The following FNBP1 variants were observed in gnomAD, a reference collection of about 807,000 sequenced individuals.
FNBP1 encodes the protein formin binding protein 1.
Under a neutral mutation model 90.6 loss-of-function variants are expected in FNBP1, and 26 were observed. That is an observed-to-expected ratio of 0.29 (90% CI 0.21 to 0.40). The LOEUF is 0.40. Ranked by LOEUF, FNBP1 falls within the 10% of genes least tolerant of loss-of-function variation. The pLI, the probability that FNBP1 is intolerant of heterozygous loss-of-function variation, is 1.00. For synonymous variants in FNBP1, 260 were observed against 265.2 expected (o/e 0.98, Z 0.19); for missense variants, 635 against 768.0 (o/e 0.83, Z 2.05).
intron 11 of FNBP1, among the ~76,000 whole-genome samples, chr9:129,911,647 TG>T (rs1257504706): frequency 6.6e-6 from 1 of 152,108 alleles, no homozygotes; most frequent in Non-Finnish European, 1.5e-5. Context: ...CCAGTAAATG[TG>T]GTGGCCAGGC....
At chr9:130,048,167 A>G (rs1407323514), upstream of FNBP1, among the ~76,000 whole-genome samples, 1 of 150,454 alleles carries the variant, frequency 6.6e-6, no homozygotes, top group Non-Finnish European at 1.5e-5. Flanking sequence ...TAAAAATACA[A>G]AAAAATTAGG....
Position 129,888,547 on chromosome 9 carries a change from G to T in FNBP1, c.*1992C>A. On this transcript the variant is annotated 3_prime_UTR_variant, in exon 17 of 17. Transcript: ENST00000446176. ...GTGACTGATGGGTGCACCACGCTTA[G>T]GTCACCCGTTGCAGGGACCGGAAGT... is the stretch of plus-strand genomic sequence containing the variant. 4.3e-6 allele frequency: 1 copy of T among 233,034 alleles called. No homozygotes were observed. Among genetic ancestry groups the T allele is most frequent in the East Asian group, 6.0e-5 (1 of 16,548 alleles). 14.4% of individuals were successfully genotyped at this position (233,034 alleles called of 1,614,324 possible).
intron 2 of FNBP1, among the ~76,000 whole-genome samples, chr9:129,990,932 G>GTTTTTTTTTT (rs35179648): frequency 7.7e-6 from 1 of 130,006 alleles, no homozygotes. Flanking sequence ...TGACACCAGG[G>GTTTTTTTTTT]TTTTTTTTTT....
At chr9:130,040,031 A>G (rs577515628) in intron 1 of FNBP1, among the ~76,000 whole-genome samples, 14 of 152,306 alleles carry the variant, frequency 9.2e-5, no homozygotes, top group African/African-American at 2.9e-4. Context: ...ATACATGTGC[A>G]TGATTCCAAA....
intron 10 of FNBP1, among the ~76,000 whole-genome samples, chr9:129,921,926 C>T (rs192386217): frequency 1.3e-5 from 2 of 152,140 alleles, no homozygotes; most frequent in Non-Finnish European, 2.9e-5. Flanking sequence ...TGGGGCACTA[C>T]CAGGTACTAT....
intron 9 of FNBP1, among the ~76,000 whole-genome samples, chr9:129,924,484 C>A (rs1052432047): frequency 6.6e-6 from 1 of 152,188 alleles, no homozygotes; most frequent in Non-Finnish European, 1.5e-5. Flanking sequence ...TATTCTACGT[C>A]CCCAGGTTAA....
At chr9:130,006,542 C>T (rs1407380046) in intron 1 of FNBP1, among the ~76,000 whole-genome samples, 1 of 150,098 alleles carries the variant, frequency 6.7e-6, no homozygotes, top group African/African-American at 2.5e-5. Flanking sequence ...TGGTGGCAGG[C>T]GCCTGTAATC....
At chr9:130,040,602 G>A (rs1484964025) in intron 1 of FNBP1, among the ~76,000 whole-genome samples, 2 of 136,506 alleles carry the variant, frequency 1.5e-5, no homozygotes, top group African/African-American at 5.4e-5. Context: ...GCCTGGGCAG[G>A]CAACAGAGCA....
intron 2 of FNBP1, among the ~76,000 whole-genome samples, chr9:129,983,803 T>C (rs1589067280): frequency 6.6e-6 from 1 of 152,048 alleles, no homozygotes; most frequent in African/African-American, 2.4e-5. Flanking sequence ...AGAGCAAGAC[T>C]TCGTCTCAAA....
chr9:130,048,769 C>A, the FNBP1 span, among the ~76,000 whole-genome samples: 1 of 141,510 alleles, frequency 7.1e-6, no homozygotes, highest in Non-Finnish European at 1.5e-5. Context: ...TGAGCCACCG[C>A]GCCCGGCCCA....
intron 2 of FNBP1, among the ~76,000 whole-genome samples, chr9:129,988,509 T>A (rs2052639929): frequency 6.6e-6 from 1 of 152,028 alleles, no homozygotes; most frequent in Non-Finnish European, 1.5e-5. Context: ...AAATCCTGTC[T>A]CTACTAAAAA....
intron 4 of FNBP1, among the ~76,000 whole-genome samples, chr9:129,965,706 G>GCGCACA (rs1554821682): frequency 3.6e-5 from 4 of 110,870 alleles, no homozygotes; most frequent in Non-Finnish European, 5.7e-5. Context: ...ACGCGCGCGC[G>GCGCACA]CGCACACACA....
intron 12 of FNBP1, among the ~76,000 whole-genome samples, chr9:129,906,987 C>T (rs902567213): frequency 6.6e-6 from 1 of 152,084 alleles, no homozygotes; most frequent in African/African-American, 2.4e-5. Flanking sequence ...ACCATGTTGG[C>T]CAGGATGGTC....
At chr9:129,971,207 T>A (rs2049404291) in intron 4 of FNBP1, among the ~76,000 whole-genome samples, 2 of 152,032 alleles carry the variant, frequency 1.3e-5, no homozygotes, top group Middle Eastern at 3.4e-3. Context: ...CTGCATTTTT[T>A]AAAAACCAAC....
At chr9:129,927,426 A>G (rs557452706) in intron 7 of FNBP1, 85 bp from the exon 8 acceptor site, 2 of 1,355,844 alleles carry the variant, frequency 1.5e-6, no homozygotes, top group East Asian at 4.6e-5. Context: ...TACCTCTAAC[A>G]AGTTCTCTTT....
In FNBP1 at chr9:129,957,342, C is replaced by CT. The variant is rs1564428487; in HGVS notation, c.513+17dup. 1 of 1,581,748 alleles carries CT rather than the reference C, an allele frequency of 6.3e-7. No homozygotes were observed. The highest frequency in any genetic ancestry group is 2.3e-5 in the East Asian group (1 of 44,282). On this transcript the variant is annotated intron_variant, in intron 6 of 16. Coordinates refer to ENST00000446176, the MANE Select transcript of FNBP1 (RefSeq NM_015033.3). The surrounding 1 kb of genome is among the most constrained non-coding windows in gnomAD (Gnocchi z 4.3). ...CGTGAGCCACCGTGCCCGGCCCACA[C>CT]TTGAGCTTTCACCTCACCTTTTCAA... is the stretch of plus-strand genomic sequence containing the variant.
intron 1 of FNBP1, among the ~76,000 whole-genome samples, chr9:130,007,912 A>G (rs940099831): frequency 6.6e-6 from 1 of 151,188 alleles, no homozygotes; most frequent in Non-Finnish European, 1.5e-5. Context: ...GCTATTCAGG[A>G]ACTTGAACCT....
At chr9:129,954,157 T>C (rs2046585566) in intron 6 of FNBP1, among the ~76,000 whole-genome samples, 1 of 152,096 alleles carries the variant, frequency 6.6e-6, no homozygotes, top group Non-Finnish European at 1.5e-5. Context: ...GAGAACATAT[T>C]ATGGGCAACT....
rs969417633 is a variant in FNBP1, at chr9:129,889,917, C to T, written c.*622G>A. On this transcript the variant is annotated 3_prime_UTR_variant, in exon 17 of 17. Coordinates refer to ENST00000446176, the MANE Select transcript of FNBP1 (RefSeq NM_015033.3). ...GTGCCTGTGGGTGTGTGTGTACCTG[C>T]CCCCCTGCCTGCCAGATGCTCCCAG... 8.5e-6 allele frequency: 2 copies of T among 235,988 alleles called. No homozygotes were observed. The highest frequency in any genetic ancestry group is 1.7e-5 in the Non-Finnish European group (2 of 119,860). 14.6% of individuals were successfully genotyped at this position (235,988 alleles called of 1,614,324 possible).
Sources: allele counts gnomAD v4.1 joint callset (sites outside exome capture counted in the v4.1 genomes callset), GRCh38; gene constraint gnomAD v4.1.1; non-coding constraint Gnocchi (gnomAD v3.1); transcripts MANE v1.5; gene names NCBI Gene and HGNC (gene_info 2026-07-23, HGNC 2026-07-21).